TMEM184A: variants seen among roughly 807,000 people sequenced by gnomAD.
TMEM184A encodes the protein transmembrane protein 184A.
Under a neutral mutation model 39.5 loss-of-function variants are expected in TMEM184A, and 40 were observed. The ratio of observed to expected loss-of-function variants is 1.01; its 90% confidence interval spans 0.79 to 1.32. The LOEUF (loss-of-function observed/expected upper bound fraction) is 1.32, where lower values mean the gene tolerates loss of function less well. TMEM184A is among the 40% of genes most tolerant of loss of function. The pLI is 0.00. For synonymous variants in TMEM184A, 280 were observed against 252.3 expected, an observed-to-expected ratio of 1.11 and a Z score of -1.04; for missense variants, 603 against 568.8, an observed-to-expected ratio of 1.06 and a Z score of -0.61.
At chr7:1,548,913 G>A (rs3814482) in intron 6 of TMEM184A, 374,695 of 682,322 alleles carry the variant, frequency 0.55, 104,489 homozygotes, top group East Asian at 0.7. Flanking sequence ...CAGGGACGTG[G>A]CCGTTCTCCC....
chr7:1,548,805 G>GAT, intron 6 of TMEM184A, 117 bp from the exon 7 acceptor site: 2 of 1,199,952 alleles, frequency 1.7e-6, no homozygotes, highest in Non-Finnish European at 2.4e-6. Flanking sequence ...GGGAGCATGG[G>GAT]CCCTGCAGGG....
Position 1,555,675 on chromosome 7 carries a change from A to G in TMEM184A, c.1-191T>C, listed in dbSNP as rs2128555557. 1 of 633,112 alleles carries G rather than the reference A, an allele frequency of 1.6e-6. No individual in the cohort carries two copies. Among genetic ancestry groups the G allele is most frequent in the South Asian group, 1.8e-5 (1 of 55,982 alleles). The allele number at this position is 633,112 out of a possible 1,614,324, so 39.2% of individuals were successfully genotyped here. A position where few individuals can be genotyped will look rare whatever the true frequency, so the allele number is the denominator to read the frequency against. On this transcript the variant is annotated intron_variant, in intron 1 of 8. Coordinates refer to ENST00000297477, the MANE Select transcript of TMEM184A (RefSeq NM_001097620.2). The surrounding 1 kb of genome is among the most constrained non-coding windows in gnomAD (Gnocchi z 5.2). ...CTCCCTGCTCCGAGCTCAGCCATCG[A>G]AGCTCACCCATCAACCACCTGCGAC...
Position 1,545,787 on chromosome 7 carries a change from G to C in TMEM184A, c.*1165C>G, listed in dbSNP as rs566969733. 1 of 152,476 alleles carries C rather than the reference G, an allele frequency of 6.6e-6. No homozygotes were observed. Among genetic ancestry groups the C allele is most frequent in the Non-Finnish European group, 1.5e-5 (1 of 68,074 alleles). The allele number at this position is 152,476 out of a possible 1,614,324, so 9.4% of individuals were successfully genotyped here. A position where few individuals can be genotyped will look rare whatever the true frequency, so the allele number is the denominator to read the frequency against. On this transcript the variant is annotated 3_prime_UTR_variant, in exon 9 of 9. Transcript: ENST00000297477. ...TACTGTTCTTGCGGCCGCGATTTCCGAGGCCACTTGCACGCCTCCAGCTTC... is the reference window on the plus strand; with the variant it reads ...TACTGTTCTTGCGGCCGCGATTTCCCAGGCCACTTGCACGCCTCCAGCTTC...
At chr7:1,549,659 C>T (rs898471341) in intron 6 of TMEM184A, 195 bp downstream of exon 6, 42 of 696,000 alleles carry the variant, frequency 6.0e-5, no homozygotes, top group Admixed American at 4.5e-4. Context: ...CCCAGCCGGA[C>T]GCCAGGCCTG....
rs1228086405 is a variant in TMEM184A at position 1,545,916 on chromosome 7, C to G, written c.*1036G>C. ...AGGCAGGTGCCCAGGTGGGAGCCCC[C>G]TCTGTGCCCCCTGGGAGTGTCCCCC... is the stretch of plus-strand genomic sequence containing the variant. On this transcript the variant is annotated 3_prime_UTR_variant, in exon 9 of 9. Transcript: ENST00000297477. 6 of 152,426 alleles carry G rather than the reference C, an allele frequency of 3.9e-5. No individual in the cohort carries two copies. The highest frequency in any genetic ancestry group is 8.8e-5 in the Non-Finnish European group (6 of 68,104). The allele number at this position is 152,426 out of a possible 1,614,324, so 9.4% of individuals were successfully genotyped here.
intron 8 of TMEM184A, 140 bp downstream of exon 8, chr7:1,547,602 G>C (rs758121440): frequency 2.3e-6 from 2 of 886,200 alleles, no homozygotes; most frequent in Non-Finnish European, 3.5e-6. Flanking sequence ...CCAGGTGCCT[G>C]TCCGGAGCCG....
rs764909702 is a variant in TMEM184A at position 1,550,868 on chromosome 7, C to CGAG, written c.331_333dup (p.Leu111dup). ...AAGTAGACGTAGTACTGGTGGTCTC[C>CGAG]GAGGAGGAGGAGGCTGAGCCAGGAG... On this transcript the variant is annotated inframe_insertion, in exon 3 of 9. Transcript: ENST00000297477. The CGAG allele has an allele frequency of 3.0e-5, 49 of 1,613,466 alleles. No individual in the cohort carries two copies. The highest frequency in any genetic ancestry group is 1.3e-4 in the Admixed American group (8 of 59,988).
rs1550007 is a variant in TMEM184A at position 1,543,239 on chromosome 7, A to G, written c.*3713T>C. ...CCACGGGGGAGGTGCTGGTCAGGTG[A>G]CCACGTCCTGGGCTCAGTCTCTGAG... On this transcript the variant is annotated 3_prime_UTR_variant, in exon 9 of 9. Coordinates refer to ENST00000297477, the MANE Select transcript of TMEM184A (RefSeq NM_001097620.2). 0.65 allele frequency: 98,697 copies of G among 152,114 alleles called. 32,686 individuals are homozygous for G. Among genetic ancestry groups the G allele is most frequent in the African/African-American group, 0.78 (32,310 of 41,490 alleles). 9.4% of individuals were successfully genotyped at this position (152,114 alleles called of 1,614,324 possible). A position where few individuals can be genotyped will look rare whatever the true frequency, so the allele number is the denominator to read the frequency against.
Position 1,550,849 on chromosome 7 carries a change from A to T in TMEM184A, c.353T>A (p.Val118Asp), listed in dbSNP as rs199830531. The change falls in exon 3 of 9, where the codon GTC (valine) becomes GAC (aspartate). Residue 118 changes from valine (V) to aspartate (D), a missense_variant. Physicochemically the swap from Val to Asp is radical, Grantham distance 152. Transcript: ENST00000297477. ...GCAGTCCCGCACAGAGTCGAAGTAG[A>T]CGTAGTACTGGTGGTCTCCGAGGAG... ...LLLLGDHQYYVYFDSVRDCYE... is the reference protein window; with the variant it reads ...LLLLGDHQYYDYFDSVRDCYE... The T allele has an allele frequency of 2.4e-4, 387 of 1,613,314 alleles. 1 individual carries two copies. The highest frequency in any genetic ancestry group is 3.1e-4 in the Non-Finnish European group (362 of 1,179,954).
intron 3 of TMEM184A, 149 bp downstream of exon 3, chr7:1,550,668 C>A: frequency 9.6e-7 from 1 of 1,038,718 alleles, no homozygotes; most frequent in Non-Finnish European, 1.4e-6. Context: ...GGCCTGCCAG[C>A]GCCGCTAACC....
At position 1,546,854 on chromosome 7, in the gene TMEM184A, G is replaced by T; in HGVS notation, c.*98C>A. ...CCTCACAGGTGGGCTCTCAGGAGAG[G>T]CCCCACCTTTGGCAGGAGTTGGTGG... On this transcript the variant is annotated 3_prime_UTR_variant, in exon 9 of 9. Coordinates refer to ENST00000297477, the MANE Select transcript of TMEM184A (RefSeq NM_001097620.2). 1.2e-6 allele frequency: 1 copy of T among 815,862 alleles called. No individual in the cohort carries two copies. Among genetic ancestry groups the T allele is most frequent in the South Asian group, 1.8e-5 (1 of 54,458 alleles). The allele number at this position is 815,862 out of a possible 1,614,324, so 50.5% of individuals were successfully genotyped here.
rs138917702 is a variant in TMEM184A at position 1,555,313 on chromosome 7, C to T, written c.172G>A (p.Val58Ile). 3,128 of 1,607,370 alleles carry T rather than the reference C, an allele frequency of 1.9e-3. 8 individuals are homozygous for T. Among genetic ancestry groups the T allele is most frequent in the South Asian group, 3.1e-3 (281 of 90,758 alleles). The part of the protein sequence containing the change: ...LFLTSALARG[V>I]SGIFVWTALV... ...GCAGTCCACACGAAGATCCCCGAGACGCCTCGGGCCAGTGCGGAGGTGAGG... is the reference window on the plus strand; with the variant it reads ...GCAGTCCACACGAAGATCCCCGAGATGCCTCGGGCCAGTGCGGAGGTGAGG... Residue 58 changes from valine (V) to isoleucine (I), a missense_variant, in exon 2 of 9, where the codon GTC becomes ATC. Transcript: ENST00000297477. The surrounding 1 kb of genome is among the most constrained non-coding windows in gnomAD (Gnocchi z 5.2).
chr7:1,547,174 C>CG lies in TMEM184A; in HGVS notation c.1019dup (p.Ala341GlyfsTer83), dbSNP rs747152549. On this transcript the variant is annotated frameshift_variant, in exon 9 of 9. Transcript: ENST00000297477. LOFTEE classifies it low-confidence loss of function (END_TRUNC). ...CGCTGGAGATGCTCTGCATGGGTGC[C>CG]GGGGGGGCTGGGGGAGGGCAGTGTA... 2.5e-5 allele frequency: 40 copies of CG among 1,590,354 alleles called. No individual in the cohort carries two copies. Among genetic ancestry groups the CG allele is most frequent in the African/African-American group, 1.2e-4 (9 of 74,512 alleles).
chr7:1,549,947 TG>T lies in TMEM184A; in HGVS notation c.553-3del, dbSNP rs748001625. 1.2e-6 allele frequency: 2 copies of T among 1,612,400 alleles called. No homozygotes were observed. Among genetic ancestry groups the T allele is most frequent in the East Asian group, 4.5e-5 (2 of 44,838 alleles). On this transcript the variant is annotated splice_polypyrimidine_tract_variant and splice_region_variant and intron_variant, in intron 5 of 8. Transcript: ENST00000297477. The stretch of plus-strand genomic sequence containing the variant: ...CACCAGGCAGAACTGCAGAGTGGCC[TG>T]GGGGCGACGGCACCCGGTGGGCCTG...
At chr7:1,548,400 G>T in intron 7 of TMEM184A, 119 bp downstream of exon 7, 2 of 1,216,454 alleles carry the variant, frequency 1.6e-6, no homozygotes, top group Non-Finnish European at 2.3e-6. Context: ...GCTGACCTGT[G>T]CTGCAGCTGG....
chr7:1,548,343 G>A (rs1441556664), intron 7 of TMEM184A, among the ~76,000 whole-genome samples, 176 bp downstream of exon 7: 2 of 152,114 alleles, frequency 1.3e-5, no homozygotes, highest in Non-Finnish European at 2.9e-5. Context: ...CCGTGCTGGC[G>A]GGACCTCTCC....
At position 1,549,924 on chromosome 7, in the gene TMEM184A, C is replaced by T; in HGVS notation, c.574G>A (p.Val192Met). 6.2e-7 allele frequency: 1 copy of T among 1,612,800 alleles called. No homozygotes were observed. The highest frequency in any genetic ancestry group is 8.5e-7 in the Non-Finnish European group (1 of 1,179,576). ...GTGGTGACGGCCATGACGGGCTTCA[C>T]CAGGCAGAACTGCAGAGTGGCCTGG... ...CKQATLQFCL[V>M]KPVMAVTTII... Residue 192 changes from valine (V) to methionine (M), a missense_variant, in exon 6 of 9, where the codon GTG (valine) becomes ATG (methionine). Transcript: ENST00000297477.
In TMEM184A at chr7:1,553,785, C is replaced by T. The variant is rs575232278; in HGVS notation, c.219+1481G>A. 2.6e-5 allele frequency among the ~76,000 whole-genome samples: 4 copies of T among 152,232 alleles called. No individual in the cohort carries two copies. In the South Asian group the frequency reaches 8.3e-4, roughly 32 times the overall value. ...CTTGACAAGCCACTGTCCTCTCCGG[C>T]CTCGGTCCTCCCATGTATAAAGTGA... On this transcript the variant is annotated intron_variant, in intron 2 of 8. Coordinates refer to ENST00000297477, the MANE Select transcript of TMEM184A (RefSeq NM_001097620.2).
intron 3 of TMEM184A, 146 bp downstream of exon 3, chr7:1,550,671 C>T (rs757754918): frequency 3.3e-5 from 36 of 1,088,854 alleles, no homozygotes; most frequent in Middle Eastern, 3.1e-4. Flanking sequence ...CTGCCAGCGC[C>T]GCTAACCCTG....
Sources: gnomAD v4.1 joint callset for allele counts (sites outside exome capture counted in the v4.1 genomes callset) on GRCh38, gnomAD v4.1.1 for gene constraint, Gnocchi (gnomAD v3.1) non-coding constraint, MANE v1.5 for transcripts, NCBI Gene and HGNC (gene_info 2026-07-23, HGNC 2026-07-21) for gene names.